Variants in UNC5D observed in about 807,000 individuals in gnomAD.
UNC5D encodes unc-5 netrin receptor D.
A neutral mutation model predicts 105.4 loss-of-function variants in UNC5D; 39 were observed. The observed-to-expected ratio is 0.37, with a 90% CI of 0.29 to 0.48. UNC5D has a LOEUF of 0.48. UNC5D is among the 20% of genes least tolerant of loss of function. UNC5D has a pLI of 0.98. For missense variants in UNC5D, 991 were observed against 1,202.4 expected, an observed-to-expected ratio of 0.82 and a Z score of 2.60; for synonymous variants, 452 against 450.4, an observed-to-expected ratio of 1.00 and a Z score of -0.04.
intron 16 of UNC5D, among the ~76,000 whole-genome samples, chr8:35,776,406 C>G (rs567544572): frequency 1.3e-5 from 2 of 152,134 alleles, no homozygotes; most frequent in Admixed American, 1.3e-4. Flanking sequence ...ATTTTATTCT[C>G]CATTTATAGT....
chr8:35,240,152 T>C (rs1277640439), intron 1 of UNC5D, among the ~76,000 whole-genome samples: 1 of 152,054 alleles, frequency 6.6e-6, no homozygotes, highest in African/African-American at 2.4e-5. Context: ...CTCTCACTAT[T>C]TTGCCCAGGT....
intron 1 of UNC5D, among the ~76,000 whole-genome samples, chr8:35,362,729 T>G (rs1801919639): frequency 6.6e-6 from 1 of 152,196 alleles, no homozygotes; most frequent in Non-Finnish European, 1.5e-5. Context: ...AATACTCTTT[T>G]CTAATTCAGA....
chr8:35,466,522 A>T (rs1585907523), intron 1 of UNC5D, among the ~76,000 whole-genome samples: 1 of 152,184 alleles, frequency 6.6e-6, no homozygotes, highest in South Asian at 2.1e-4. Flanking sequence ...AATGCAACAC[A>T]TTGGAAATGG....
intron 4 of UNC5D, among the ~76,000 whole-genome samples, chr8:35,612,723 C>CTTTTTTTTTTTTTTTTTT (rs57450378): frequency 9.4e-4 from 61 of 64,760 alleles, no homozygotes; most frequent in African/African-American, 2.1e-3. Flanking sequence ...AATGTTTTGC[C>CTTTTTTTTTTTTTTTTTT]TTTTTTTTTT....
At chr8:35,259,290 A>G (rs892780746) in intron 1 of UNC5D, among the ~76,000 whole-genome samples, 3 of 152,182 alleles carry the variant, frequency 2.0e-5, no homozygotes, top group Admixed American at 2.0e-4. Flanking sequence ...GGTGGTTGGC[A>G]GTGGCTGGCT....
chr8:35,673,123 A>C (rs1385766281), intron 4 of UNC5D, among the ~76,000 whole-genome samples: 1 of 152,222 alleles, frequency 6.6e-6, no homozygotes, highest in Non-Finnish European at 1.5e-5. Context: ...AGATAAGTAG[A>C]GCTAAATTGA....
intron 1 of UNC5D, among the ~76,000 whole-genome samples, chr8:35,527,108 C>A (rs1177883988): frequency 2.6e-5 from 4 of 151,706 alleles, no homozygotes; most frequent in South Asian, 2.1e-4. Context: ...TGTAGGCAGG[C>A]TTTTTGGTTA....
chr8:35,621,491 A>T (rs1586270765), intron 4 of UNC5D, among the ~76,000 whole-genome samples: 1 of 152,188 alleles, frequency 6.6e-6, no homozygotes, highest in Non-Finnish European at 1.5e-5. Context: ...GTATTGGGTC[A>T]TTGTGAGCTA....
intron 1 of UNC5D, among the ~76,000 whole-genome samples, chr8:35,497,486 A>G (rs186072750): frequency 6.6e-6 from 1 of 152,276 alleles, no homozygotes; most frequent in East Asian, 1.9e-4. Flanking sequence ...TTGAAACCTG[A>G]TGGTTTCTTT....
intron 1 of UNC5D, among the ~76,000 whole-genome samples, chr8:35,270,931 A>G (rs903072629): frequency 2.0e-5 from 3 of 151,898 alleles, no homozygotes; most frequent in African/African-American, 7.2e-5. Flanking sequence ...TATGGTATAT[A>G]TATATATATT....
chr8:35,595,863 A>G (rs1432950080), intron 4 of UNC5D, among the ~76,000 whole-genome samples: 1 of 152,220 alleles, frequency 6.6e-6, no homozygotes, highest in Non-Finnish European at 1.5e-5. Context: ...CTGTGTTTGC[A>G]CAAGGCCCTT....
intron 4 of UNC5D, among the ~76,000 whole-genome samples, chr8:35,597,565 C>G (rs567336311): frequency 6.6e-6 from 1 of 152,072 alleles, no homozygotes; most frequent in African/African-American, 2.4e-5. Context: ...TGTGAGTGTC[C>G]CCTGGTACAC....
rs547349629 is a variant in UNC5D, at chr8:35,576,897, G to A, written c.466+8656G>A. Among the ~76,000 whole-genome samples the A allele has an allele frequency of 9.2e-5, 14 of 152,280 alleles. No homozygotes were observed. The South Asian group carries it at 2.9e-3, about 32-fold the overall frequency. The stretch of plus-strand genomic sequence containing the variant: ...CAAAGTGCTAGGATTACAGGCATGA[G>A]CCACCGCGCCTGGCAACTAACAGAG... On this transcript the variant is annotated intron_variant, in intron 3 of 16. Coordinates refer to ENST00000404895, the MANE Select transcript of UNC5D (RefSeq NM_080872.4).
intron 1 of UNC5D, among the ~76,000 whole-genome samples, chr8:35,517,573 G>A (rs985222124): frequency 2.0e-5 from 3 of 152,160 alleles, no homozygotes; most frequent in African/African-American, 7.2e-5. Flanking sequence ...AGTCCTCGAT[G>A]CCATGAGCTT....
chr8:35,506,517 G>A (rs1812314991), intron 1 of UNC5D, among the ~76,000 whole-genome samples: 1 of 152,178 alleles, frequency 6.6e-6, no homozygotes, highest in Non-Finnish European at 1.5e-5. Context: ...AGAGGACCAG[G>A]TATAATCATT....
At chr8:35,520,368 A>C (rs1813380216) in intron 1 of UNC5D, among the ~76,000 whole-genome samples, 1 of 152,132 alleles carries the variant, frequency 6.6e-6, no homozygotes, top group Admixed American at 6.6e-5. Context: ...AAATCCATAG[A>C]GACAGAAAAT....
chr8:35,284,396 C>G (rs1320219555), intron 1 of UNC5D, among the ~76,000 whole-genome samples: 1 of 152,170 alleles, frequency 6.6e-6, no homozygotes, highest in Non-Finnish European at 1.5e-5. Context: ...CTAGCACTAT[C>G]CATCTAAATC....
At chr8:35,757,132 C>A (rs1830553995) in intron 13 of UNC5D, among the ~76,000 whole-genome samples, 1 of 152,072 alleles carries the variant, frequency 6.6e-6, no homozygotes, top group Non-Finnish European at 1.5e-5. Context: ...TTGCCCAAGA[C>A]CACACAGAAA....
At chr8:35,778,210 C>T (rs1802344807) in intron 16 of UNC5D, among the ~76,000 whole-genome samples, 1 of 152,152 alleles carries the variant, frequency 6.6e-6, no homozygotes, top group Non-Finnish European at 1.5e-5. Context: ...GTTCTGTCTT[C>T]AGGCTGGTGT....
Sources: gnomAD v4.1 joint callset for allele counts (sites outside exome capture counted in the v4.1 genomes callset) on GRCh38, gnomAD v4.1.1 for gene constraint, MANE v1.5 for transcripts, NCBI Gene and HGNC (gene_info 2026-07-23, HGNC 2026-07-21) for gene names.